Variants in NCAPD3 observed in about 807,000 individuals in gnomAD.
The protein encoded by NCAPD3 is non-SMC condensin II complex subunit D3, also known as condensin-2 complex subunit D3.
A neutral mutation model predicts 182.9 loss-of-function variants in NCAPD3; 105 were observed. The ratio of observed to expected loss-of-function variants is 0.57; its 90% confidence interval spans 0.49 to 0.68. The LOEUF (loss-of-function observed/expected upper bound fraction) is 0.68. Ranked by LOEUF, NCAPD3 falls within the 30% of genes least tolerant of loss-of-function variation. The pLI, the probability that NCAPD3 is intolerant of heterozygous loss-of-function variation, is 0.00. For synonymous variants in NCAPD3, 815 were observed against 679.9 expected, an observed-to-expected ratio of 1.20 and a Z score of -3.09; for missense variants, 1,944 against 1,837.0, an observed-to-expected ratio of 1.06 and a Z score of -1.07.
At chr11:134,158,645 A>C in intron 29 of NCAPD3, 150 bp from the exon 30 acceptor site, 7 of 780,746 alleles carry the variant, frequency 9.0e-6, no homozygotes, top group Non-Finnish European at 1.4e-5. Flanking sequence ...TGGCATCTCC[A>C]TCACCTCAAA....
Position 134,204,207 on chromosome 11 carries a change from C to T in NCAPD3, c.1090-36G>A, listed in dbSNP as rs1335282031. ...AAAAGAGAAGTTGACCAACCAATAT[C>T]CACCCGCAGGATGGCTGAAACATAT... On this transcript the variant is annotated intron_variant, in intron 9 of 34. Coordinates refer to ENST00000534548, the MANE Select transcript of NCAPD3 (RefSeq NM_015261.3). This position sits in a 1 kb window ranked among gnomAD's most constrained non-coding sequence, Gnocchi z 4.3. 17 of 1,606,188 alleles carry T rather than the reference C, an allele frequency of 1.1e-5. No homozygotes were observed. Among genetic ancestry groups the T allele is most frequent in the Non-Finnish European group, 1.4e-5 (17 of 1,175,530 alleles).
At chr11:134,213,860 C>A (rs1429028347) in intron 3 of NCAPD3, among the ~76,000 whole-genome samples, 1 of 151,946 alleles carries the variant, frequency 6.6e-6, no homozygotes, top group African/African-American at 2.4e-5. Flanking sequence ...CTAAAAGGAC[C>A]AATCCATCAG....
Position 134,203,708 on chromosome 11 carries a change from G to A in NCAPD3, c.1414C>T (p.Leu472=), listed in dbSNP as rs1565551290. The A allele has an allele frequency of 6.2e-7, 1 of 1,614,110 alleles. No homozygotes were observed. The highest frequency in any genetic ancestry group is 8.5e-7 in the Non-Finnish European group (1 of 1,180,034). The change falls in exon 11 of 35, where the codon CTG becomes TTG. Residue 472 remains leucine, a synonymous_variant. Transcript: ENST00000534548. ...GACGCACTGGTAACAGTCAACTCCAGACAGTGTGCAAAGCTGGACAGTGCC... is the reference window on the plus strand; with the variant it reads ...GACGCACTGGTAACAGTCAACTCCAAACAGTGTGCAAAGCTGGACAGTGCC... ...SKALSSFAHC[L]ELTVTSASES... is the part of the protein sequence containing the mutation.
At chr11:134,179,465 T>A (rs1944246567) in intron 20 of NCAPD3, among the ~76,000 whole-genome samples, 1 of 152,240 alleles carries the variant, frequency 6.6e-6, no homozygotes, top group African/African-American at 2.4e-5. Flanking sequence ...GTATATGCCA[T>A]TTCAAAACTA....
chr11:134,167,594 G>T (rs1005205155), intron 27 of NCAPD3, among the ~76,000 whole-genome samples: 2 of 117,444 alleles, frequency 1.7e-5, no homozygotes, highest in Non-Finnish European at 3.4e-5. Flanking sequence ...TGGGGGAGGG[G>T]CACACTCACT....
rs748697944 is a variant in NCAPD3, at chr11:134,178,623, G to GT, written c.2782+10dup. The stretch of plus-strand genomic sequence containing the variant: ...ACGATGTCAAGCCCCATTCTCCCAT[G>GT]TTTTTCTTACCTAAGGTAATGATGG... On this transcript the variant is annotated intron_variant, in intron 22 of 34. Coordinates refer to ENST00000534548, the MANE Select transcript of NCAPD3 (RefSeq NM_015261.3). The GT allele has an allele frequency of 2.0e-6, 3 of 1,522,800 alleles. No homozygotes were observed. In the African/African-American group the frequency reaches 4.2e-5, roughly 21 times the overall value. 94.3% of individuals were successfully genotyped at this position (1,522,800 alleles called of 1,614,324 possible).
intron 24 of NCAPD3, among the ~76,000 whole-genome samples, chr11:134,170,695 A>G (rs1292811869): frequency 6.6e-6 from 1 of 152,266 alleles, no homozygotes; most frequent in African/African-American, 2.4e-5. Context: ...CCAACAGACA[A>G]GATACTGCGG....
intron 7 of NCAPD3, among the ~76,000 whole-genome samples, 187 bp downstream of exon 7, chr11:134,208,677 T>C (rs552305393): frequency 5.9e-5 from 9 of 152,320 alleles, no homozygotes; most frequent in South Asian, 4.1e-4. Flanking sequence ...AGATATAAAG[T>C]TGGCAATAAA....
At chr11:134,210,533 C>A in intron 3 of NCAPD3, 79 bp from the exon 4 acceptor site, 1 of 1,273,480 alleles carries the variant, frequency 7.9e-7, no homozygotes, top group South Asian at 1.4e-5. Flanking sequence ...TGAAAAGTTA[C>A]AAAGCAAAAC....
intron 16 of NCAPD3, among the ~76,000 whole-genome samples, chr11:134,190,487 C>G (rs1457653918): frequency 1.3e-5 from 2 of 152,102 alleles, no homozygotes; most frequent in African/African-American, 4.8e-5. Context: ...TTCTGAAGTA[C>G]ATCCTTTTTA....
intron 24 of NCAPD3, among the ~76,000 whole-genome samples, chr11:134,169,486 A>G (rs2135962152): frequency 6.6e-6 from 1 of 152,330 alleles, no homozygotes; most frequent in South Asian, 2.1e-4. Context: ...CACAATTATG[A>G]ACAAAAACCA....
At chr11:134,165,203 G>T (rs1175666970) in intron 27 of NCAPD3, among the ~76,000 whole-genome samples, 1 of 148,472 alleles carries the variant, frequency 6.7e-6, no homozygotes, top group Non-Finnish European at 1.5e-5. Flanking sequence ...GCTTGGGGGA[G>T]CGGCACACTT....
Position 134,158,080 on chromosome 11 carries a change from G to A in NCAPD3, c.4035-13C>T, listed in dbSNP as rs1043083829. The A allele has an allele frequency of 6.2e-7, 1 of 1,611,190 alleles. No homozygotes were observed. The highest frequency in any genetic ancestry group is 1.3e-5 in the African/African-American group (1 of 74,848). ...CAGGGACATGGGCCTGTGGAGAACAGCCACAGCCGCTGACTTTCTCACTGC... is the reference window on the plus strand; with the variant it reads ...CAGGGACATGGGCCTGTGGAGAACAACCACAGCCGCTGACTTTCTCACTGC... On this transcript the variant is annotated splice_polypyrimidine_tract_variant and intron_variant, in intron 30 of 34. Coordinates refer to ENST00000534548, the MANE Select transcript of NCAPD3 (RefSeq NM_015261.3).
intron 32 of NCAPD3, among the ~76,000 whole-genome samples, chr11:134,156,135 A>G (rs1394068897): frequency 1.3e-5 from 2 of 152,216 alleles, no homozygotes; most frequent in East Asian, 3.9e-4. Context: ...AAGGGGCACA[A>G]GAGTTGGGAC....
chr11:134,157,465 T>G (rs1327043072), intron 31 of NCAPD3, among the ~76,000 whole-genome samples: 1 of 152,204 alleles, frequency 6.6e-6, no homozygotes, highest in East Asian at 1.9e-4. Context: ...ATGGAAAAAT[T>G]GAAAATCAAC....
Position 134,152,201 on chromosome 11 carries a change from G to T in NCAPD3, c.*743C>A, listed in dbSNP as rs1030278441. Among the ~76,000 whole-genome samples, 2 of 152,260 alleles carry T rather than the reference G, an allele frequency of 1.3e-5. No homozygotes were observed. The highest frequency in any genetic ancestry group is 2.9e-5 in the Non-Finnish European group (2 of 68,044). ...GAGGGCTGCACAAATCGGCAGTGCT[G>T]CTCTGGGGAAGGCTGCAAAGCCATT... is the stretch of plus-strand genomic sequence containing the variant. On this transcript the variant is annotated 3_prime_UTR_variant, in exon 35 of 35. Coordinates refer to ENST00000534548, the MANE Select transcript of NCAPD3 (RefSeq NM_015261.3).
intron 24 of NCAPD3, 142 bp from the exon 25 acceptor site, chr11:134,169,196 G>A (rs756605254): frequency 1.1e-5 from 8 of 759,344 alleles, no homozygotes; most frequent in Admixed American, 7.5e-5. Context: ...CAGTTCCCTC[G>A]GATCCAAAGA....
At chr11:134,170,199 C>T (rs763986826) in intron 24 of NCAPD3, among the ~76,000 whole-genome samples, 5 of 152,260 alleles carry the variant, frequency 3.3e-5, no homozygotes, top group South Asian at 2.1e-4. Context: ...CTAGGAAATA[C>T]GGGAGCAGCT....
intron 22 of NCAPD3, 42 bp from the exon 23 acceptor site, chr11:134,177,499 T>C: frequency 6.5e-7 from 1 of 1,549,286 alleles, no homozygotes; most frequent in South Asian, 1.1e-5. Context: ...GTATTCTAAA[T>C]CCTAATTCCA....
Sources: allele counts gnomAD v4.1 joint callset (sites outside exome capture counted in the v4.1 genomes callset), GRCh38; gene constraint gnomAD v4.1.1; non-coding constraint Gnocchi (gnomAD v3.1); transcripts MANE v1.5; gene names NCBI Gene and HGNC (gene_info 2026-07-23, HGNC 2026-07-21).